The following BNC2 variants were observed in gnomAD, a reference collection of about 807,000 sequenced individuals.
The protein encoded by BNC2 is zinc finger protein basonuclin-2.
A neutral mutation model predicts 76.3 loss-of-function variants in BNC2; 20 were observed. The observed-to-expected ratio is 0.26, with a 90% CI of 0.18 to 0.38. The LOEUF (loss-of-function observed/expected upper bound fraction) is 0.38, where lower values mean the gene tolerates loss of function less well. Ranked by LOEUF, BNC2 falls within the 10% of genes least tolerant of loss-of-function variation. The probability of loss-of-function intolerance (pLI) is 1.00; values close to 1 mark genes in which losing one functional copy is unlikely to be tolerated. For missense variants in BNC2, 1,382 were observed against 1,399.8 expected, an observed-to-expected ratio of 0.99 and a Z score of 0.20; for synonymous variants, 582 against 514.8, an observed-to-expected ratio of 1.13 and a Z score of -1.77.
At chr9:16,766,299 A>T (rs1269770279) in intron 1 of BNC2, among the ~76,000 whole-genome samples, 2 of 152,036 alleles carry the variant, frequency 1.3e-5, no homozygotes, top group Admixed American at 1.3e-4. Flanking sequence ...AATTTCTTTC[A>T]ACTTGGGGGA....
chr9:16,645,029 A>C (rs1346126521), intron 3 of BNC2, among the ~76,000 whole-genome samples: 2 of 152,198 alleles, frequency 1.3e-5, no homozygotes, highest in Non-Finnish European at 2.9e-5. Context: ...ACATTTACAT[A>C]CTTTAAAGAA....
intron 2 of BNC2, among the ~76,000 whole-genome samples, chr9:16,729,265 G>T (rs182925970): frequency 1.3e-5 from 2 of 152,300 alleles, no homozygotes; most frequent in East Asian, 3.9e-4. Context: ...AAAGTAGTCA[G>T]CAGGAAAAAG....
At chr9:16,638,632 T>C (rs950783158) in intron 3 of BNC2, among the ~76,000 whole-genome samples, 7 of 152,108 alleles carry the variant, frequency 4.6e-5, no homozygotes, top group Admixed American at 6.5e-5. Flanking sequence ...TATGTTATCA[T>C]GCATTATGTG....
intron 5 of BNC2, among the ~76,000 whole-genome samples, chr9:16,489,199 T>C (rs913232035): frequency 3.3e-5 from 5 of 152,248 alleles, no homozygotes; most frequent in Non-Finnish European, 5.9e-5. Context: ...TTTGTCAGTA[T>C]TTTAAATTTG....
intron 3 of BNC2, among the ~76,000 whole-genome samples, chr9:16,589,696 G>A (rs999494828): frequency 6.6e-6 from 1 of 151,884 alleles, no homozygotes; most frequent in Non-Finnish European, 1.5e-5. Flanking sequence ...TTTTAGTAGA[G>A]ACAGGGTTTC....
intron 3 of BNC2, among the ~76,000 whole-genome samples, chr9:16,604,384 A>C (rs1162714534): frequency 6.6e-6 from 1 of 152,254 alleles, no homozygotes; most frequent in Non-Finnish European, 1.5e-5. Context: ...TTTAAATGCA[A>C]AGCAAAACTC....
intron 5 of BNC2, among the ~76,000 whole-genome samples, chr9:16,474,273 A>G (rs901476481): frequency 6.6e-6 from 1 of 152,208 alleles, no homozygotes; most frequent in African/African-American, 2.4e-5. Flanking sequence ...CATACAAATC[A>G]CTATATGTTG....
intron 1 of BNC2, among the ~76,000 whole-genome samples, chr9:16,840,094 G>A (rs1818792013): frequency 6.6e-6 from 1 of 152,142 alleles, no homozygotes; most frequent in African/African-American, 2.4e-5. Flanking sequence ...AGATAAGGAG[G>A]TCTAAAGAAG....
intron 1 of BNC2, among the ~76,000 whole-genome samples, chr9:16,861,168 C>G (rs1200194833): frequency 1.0e-5 from 1 of 96,834 alleles, no homozygotes; most frequent in Non-Finnish European, 2.0e-5. Context: ...ATGGTAATAC[C>G]CTATCTCTAC....
At chr9:16,621,272 G>C (rs1355656108) in intron 3 of BNC2, among the ~76,000 whole-genome samples, 1 of 152,082 alleles carries the variant, frequency 6.6e-6, no homozygotes, top group Admixed American at 6.6e-5. Flanking sequence ...CCTCAGTCCA[G>C]GGCAGCACCA....
chr9:16,770,040 A>C (rs1825793979), intron 1 of BNC2, among the ~76,000 whole-genome samples: 1 of 152,136 alleles, frequency 6.6e-6, no homozygotes, highest in Non-Finnish European at 1.5e-5. Flanking sequence ...GAATTACTTG[A>C]CCCAAAATGA....
intron 5 of BNC2, among the ~76,000 whole-genome samples, chr9:16,490,052 T>C (rs1017555153): frequency 6.6e-6 from 1 of 152,172 alleles, no homozygotes; most frequent in African/African-American, 2.4e-5. Flanking sequence ...AATGCAAATG[T>C]CTAATTTAAT....
chr9:16,575,920 C>T (rs546747039), intron 4 of BNC2, among the ~76,000 whole-genome samples: 1 of 152,300 alleles, frequency 6.6e-6, no homozygotes, highest in East Asian at 1.9e-4. Flanking sequence ...AAAACTAAGT[C>T]CACTAGAAAG....
At chr9:16,582,961 G>A (rs778975677) in intron 4 of BNC2, 22 bp downstream of exon 4, 3 of 1,560,730 alleles carry the variant, frequency 1.9e-6, no homozygotes, top group South Asian at 2.2e-5. Context: ...AGAACGGGAA[G>A]AAAAGCCCAG....
intron 3 of BNC2, among the ~76,000 whole-genome samples, chr9:16,651,396 G>C (rs568020333): frequency 6.6e-6 from 1 of 152,182 alleles, no homozygotes; most frequent in African/African-American, 2.4e-5. Flanking sequence ...TACTCTGACA[G>C]ATTCTAAATG....
Position 16,437,361 on chromosome 9 carries a change from G to A in BNC2, c.833C>T (p.Thr278Ile). The A allele has an allele frequency of 6.2e-7, 1 of 1,613,912 alleles. No homozygotes were observed. The highest frequency in any genetic ancestry group is 8.5e-7 in the Non-Finnish European group (1 of 1,179,778). Reference protein sequence around the residue: ...GQAVAVPSSKTDSDIRTFIES... With the variant: ...GQAVAVPSSKIDSDIRTFIES... ...AATGAAAGTCCTTATATCTGAGTCT[G>A]TCTTTGAAGATGGTACAGCCACGGC... is the stretch of plus-strand genomic sequence containing the variant. The change falls in exon 6 of 7, where the codon ACA (threonine) becomes ATA (isoleucine). Residue 278 changes from threonine to isoleucine, a missense_variant. Physicochemically the swap from Thr to Ile is moderately conservative, Grantham distance 89. This residue lies in a region of BNC2 where 557 missense variants were observed against 540.9 expected (regional missense o/e 1.03). Transcript: ENST00000380672.
chr9:16,782,494 G>C (rs1384947021), intron 1 of BNC2, among the ~76,000 whole-genome samples: 1 of 152,084 alleles, frequency 6.6e-6, no homozygotes, highest in Non-Finnish European at 1.5e-5. Flanking sequence ...TTACATACTA[G>C]TCTAATGTGC....
intron 5 of BNC2, among the ~76,000 whole-genome samples, chr9:16,522,053 C>G (rs1387334272): frequency 6.6e-6 from 1 of 152,116 alleles, no homozygotes; most frequent in Non-Finnish European, 1.5e-5. Flanking sequence ...TCTGCTTGAG[C>G]TGAGATGATT....
At chr9:16,816,036 T>C (rs1366231878) in intron 1 of BNC2, among the ~76,000 whole-genome samples, 1 of 152,146 alleles carries the variant, frequency 6.6e-6, no homozygotes, top group Non-Finnish European at 1.5e-5. Flanking sequence ...CTTGTGTTTA[T>C]TTATTATTTT....
Sources: allele counts gnomAD v4.1 joint callset (sites outside exome capture counted in the v4.1 genomes callset), GRCh38; gene constraint gnomAD v4.1.1; regional missense constraint gnomAD v4.1.1; transcripts MANE v1.5; gene names NCBI Gene and HGNC (gene_info 2026-07-23, HGNC 2026-07-21).